The following TLDC2 variants were observed in gnomAD, a reference collection of about 807,000 sequenced individuals.
TLDC2 encodes the protein TLD domain-containing protein 2.
In TLDC2, 23 loss-of-function variants were observed where a neutral mutation model predicts 27.9. That is an observed-to-expected ratio of 0.82 (90% CI 0.59 to 1.17). TLDC2 has a LOEUF of 1.17. Among genes scored for constraint, TLDC2 ranks in the 50% most tolerant of loss-of-function variants. The probability of loss-of-function intolerance (pLI) is 0.00; values close to 1 mark genes in which losing one functional copy is unlikely to be tolerated. For synonymous variants in TLDC2, 124 were observed against 107.4 expected (o/e 1.16, Z -0.96); for missense variants, 286 against 273.4 (o/e 1.05, Z -0.32).
At chr20:36,885,751 A>T (rs1295350751) in intron 4 of TLDC2, among the ~76,000 whole-genome samples, 1 of 152,080 alleles carries the variant, frequency 6.6e-6, no homozygotes, top group Non-Finnish European at 1.5e-5. Context: ...AACTATTTTG[A>T]CTCTTGAATA....
chr20:36,889,087 T>C (rs924159989), intron 5 of TLDC2, among the ~76,000 whole-genome samples, 164 bp from the exon 6 acceptor site: 3 of 152,142 alleles, frequency 2.0e-5, no homozygotes, highest in African/African-American at 7.2e-5. Flanking sequence ...TGGGGAACAA[T>C]GTGCTGAGTC....
In TLDC2 at chr20:36,879,099, C is replaced by T. The variant is rs564687679; in HGVS notation, c.248C>T (p.Thr83Met). Residue 83 changes from threonine to methionine, a missense_variant, in exon 3 of 7, where the codon ACG becomes ATG. Coordinates refer to ENST00000217320, the MANE Select transcript of TLDC2 (RefSeq NM_080628.3). ...TGHPWSLVFC[T>M]SRDGFSLQSL... Reference sequence around the variant, plus strand: ...CATCCCTGGAGTCTGGTCTTCTGCACGTCAAGGGACGGTTTCAGCCTGCAG... The same window carrying T: ...CATCCCTGGAGTCTGGTCTTCTGCATGTCAAGGGACGGTTTCAGCCTGCAG... The T allele has an allele frequency of 2.5e-6, 4 of 1,614,138 alleles. No homozygotes were observed. Among genetic ancestry groups the T allele is most frequent in the East Asian group, 4.5e-5 (2 of 44,872 alleles).
At chr20:36,879,263 G>A in intron 3 of TLDC2, 70 bp downstream of exon 3, 1 of 1,526,816 alleles carries the variant, frequency 6.5e-7, no homozygotes, top group Non-Finnish European at 8.8e-7. Flanking sequence ...CCCTGTCCCA[G>A]GGCAGCTCAG....
intron 6 of TLDC2, chr20:36,890,406 C>CTTTCTT (rs1990038539): frequency 2.7e-5 from 4 of 149,336 alleles, no homozygotes; most frequent in Admixed American, 6.8e-5. Flanking sequence ...CTCTTTCTTT[C>CTTTCTT]TTTCTTTCTT....
intron 4 of TLDC2, among the ~76,000 whole-genome samples, chr20:36,886,672 C>T (rs1254133790): frequency 6.6e-6 from 1 of 151,918 alleles, no homozygotes; most frequent in East Asian, 1.9e-4. Flanking sequence ...AACTCCTGAC[C>T]TCGAGGAAAC....
At chr20:36,883,519 C>T (rs1190863428) in intron 4 of TLDC2, among the ~76,000 whole-genome samples, 1 of 152,160 alleles carries the variant, frequency 6.6e-6, no homozygotes, top group Non-Finnish European at 1.5e-5. Flanking sequence ...TGCTATCTTC[C>T]CCCATCAAAG....
intron 4 of TLDC2, among the ~76,000 whole-genome samples, chr20:36,886,454 G>A (rs1268853403): frequency 2.6e-5 from 4 of 152,164 alleles, no homozygotes; most frequent in African/African-American, 9.7e-5. Flanking sequence ...TTAGCCGGGC[G>A]TGGTGGTGCG....
intron 4 of TLDC2, among the ~76,000 whole-genome samples, chr20:36,881,318 T>G (rs570249692): frequency 6.6e-6 from 1 of 151,150 alleles, no homozygotes; most frequent in South Asian, 2.1e-4. Flanking sequence ...AGGTTGAGGC[T>G]GTGGTGAGCC....
chr20:36,876,262 T>C, intron 1 of TLDC2, 55 bp downstream of exon 1: 11 of 1,594,768 alleles, frequency 6.9e-6, no homozygotes, highest in Non-Finnish European at 8.6e-6. Context: ...GGAGGTGAGG[T>C]CTCTGGCAGG....
In TLDC2 at chr20:36,877,972, A is replaced by C; in HGVS notation, c.107A>C (p.Asp36Ala). Residue 36 changes from aspartate (D) to alanine (A), a missense_variant, in exon 2 of 7, where the codon GAC becomes GCC. Transcript: ENST00000217320. ...GAAGAGGAGGAGGAGGCAGCTCCAGACCCAGCTGCTGCTCCTGAGGATCCC... is the reference window on the plus strand; with the variant it reads ...GAAGAGGAGGAGGAGGCAGCTCCAGCCCCAGCTGCTGCTCCTGAGGATCCC... ...EEEEEEEAAPDPAAAPEDPTV... is the reference protein window; with the variant it reads ...EEEEEEEAAPAPAAAPEDPTV... 1 of 1,614,072 alleles carries C rather than the reference A, an allele frequency of 6.2e-7. No individual in the cohort carries two copies. Among genetic ancestry groups the C allele is most frequent in the Non-Finnish European group, 8.5e-7 (1 of 1,179,988 alleles).
Position 36,893,122 on chromosome 20 carries a change from T to C in TLDC2, c.*278T>C. On this transcript the variant is annotated 3_prime_UTR_variant, in exon 7 of 7. Transcript: ENST00000217320. ...AGAGAAAAGCCAGTTTCCATCATCT[T>C]ATTTCTGAGTGAAAGTCTCAAGTGC... The C allele has an allele frequency of 6.2e-6, 10 of 1,600,214 alleles. No homozygotes were observed. The South Asian group carries it at 1.1e-4, about 18-fold the overall frequency.
Position 36,876,227 on chromosome 20 carries a change from C to T in TLDC2, c.33+20C>T. 1.9e-6 allele frequency: 3 copies of T among 1,614,132 alleles called. No individual in the cohort carries two copies. The highest frequency in any genetic ancestry group is 2.5e-6 in the Non-Finnish European group (3 of 1,179,986). On this transcript the variant is annotated intron_variant, in intron 1 of 6. Coordinates refer to ENST00000217320, the MANE Select transcript of TLDC2 (RefSeq NM_080628.3). ...CGGCTGGTAAGGGTTCCAACTCCGT[C>T]TGTGGTGCAGGTTGGGAGGTGAAAG...
At chr20:36,879,374 A>G (rs1989750989) in intron 3 of TLDC2, among the ~76,000 whole-genome samples, 181 bp downstream of exon 3, 1 of 152,192 alleles carries the variant, frequency 6.6e-6, no homozygotes, top group Admixed American at 6.5e-5. Flanking sequence ...TATGCATTCA[A>G]CACATCTACA....
Position 36,893,685 on chromosome 20 carries a change from C to G in TLDC2, c.*841C>G, listed in dbSNP as rs1298246885. ...TGACTCTATGCTAAACTGTTCTGAA[C>G]TTGTGGGTAGATCTTCTTTGGTTAC... On this transcript the variant is annotated 3_prime_UTR_variant, in exon 7 of 7. Coordinates refer to ENST00000217320, the MANE Select transcript of TLDC2 (RefSeq NM_080628.3). 2.6e-6 allele frequency: 1 copy of G among 389,018 alleles called. No homozygotes were observed. The highest frequency in any genetic ancestry group is 2.1e-5 in the African/African-American group (1 of 48,380). 24.1% of individuals were successfully genotyped at this position (389,018 alleles called of 1,614,324 possible).
At chr20:36,890,398 C>CTTTCTTTCTT (rs1568754654) in intron 6 of TLDC2, 2 of 145,742 alleles carry the variant, frequency 1.4e-5, no homozygotes, top group Non-Finnish European at 3.0e-5. Flanking sequence ...ATTTCTTTCT[C>CTTTCTTTCTT]TTTCTTTCTT....
Position 36,880,808 on chromosome 20 carries a change from G to C in TLDC2, c.438+58G>C, listed in dbSNP as rs1459652732. On this transcript the variant is annotated intron_variant, in intron 4 of 6. Coordinates refer to ENST00000217320, the MANE Select transcript of TLDC2 (RefSeq NM_080628.3). ...GGCGTGTGGCGAGACAAAGCTCCCG[G>C]GGTCCCAGTGGCTCCCAGCTCCATC... The C allele has an allele frequency of 4.0e-6, 6 of 1,493,940 alleles. No individual in the cohort carries two copies. In the Admixed American group the frequency reaches 8.5e-5, roughly 21 times the overall value. 92.5% of individuals were successfully genotyped at this position (1,493,940 alleles called of 1,614,324 possible).
rs746171898 is a variant in TLDC2 at position 36,879,192 on chromosome 20, A to G, written c.341A>G (p.Gln114Arg). The G allele has an allele frequency of 8.1e-6, 13 of 1,611,878 alleles. No homozygotes were observed. The highest frequency in any genetic ancestry group is 8.5e-7 in the Non-Finnish European group (1 of 1,179,392). ...CTGGTGCTCAGGGACCAGGACGGGC[A>G]GGTGAGCTGGGCAGGGGCACCACCC... The part of the protein sequence containing the change: ...VLLVLRDQDG[Q>R]IFGAFSSSAI... The change falls in exon 3 of 7, where the codon CAG becomes CGG. Residue 114 changes from glutamine (Q) to arginine (R), a missense_variant and splice_region_variant. Transcript: ENST00000217320.
In TLDC2 at chr20:36,877,810, G is replaced by T. The variant is rs1435569512; in HGVS notation, c.34-89G>T. 652 of 1,435,440 alleles carry T rather than the reference G, an allele frequency of 4.5e-4. 3 individuals are homozygous for T. The highest frequency in any genetic ancestry group is 6.8e-5 in the Non-Finnish European group (72 of 1,057,628). 88.9% of individuals were successfully genotyped at this position (1,435,440 alleles called of 1,614,324 possible). ...AGGCACATGGGCAGGGAGTGATGAGGTGGCCCGAGGAGGCTCTTGGGCTCA... is the reference window on the plus strand; with the variant it reads ...AGGCACATGGGCAGGGAGTGATGAGTTGGCCCGAGGAGGCTCTTGGGCTCA... On this transcript the variant is annotated intron_variant, in intron 1 of 6. Transcript: ENST00000217320.
chr20:36,878,807 G>C (rs181950197), intron 2 of TLDC2, among the ~76,000 whole-genome samples: 16 of 152,034 alleles, frequency 1.1e-4, no homozygotes, highest in Admixed American at 9.2e-4. Flanking sequence ...TGCGAGCTTT[G>C]GGCTAGTTGT....
Sources: allele counts gnomAD v4.1 joint callset (sites outside exome capture counted in the v4.1 genomes callset), GRCh38; gene constraint gnomAD v4.1.1; transcripts MANE v1.5; gene names NCBI Gene and HGNC (gene_info 2026-07-23, HGNC 2026-07-21).